The following CMIP variants were observed in gnomAD, a reference collection of about 807,000 sequenced individuals.
CMIP encodes the protein C-Maf-inducing protein.
A neutral mutation model predicts 97.3 loss-of-function variants in CMIP; 13 were observed. That is an observed-to-expected ratio of 0.13 (90% CI 0.09 to 0.21). CMIP has a LOEUF of 0.21. Among genes scored for constraint, CMIP ranks in the 10% least tolerant of loss-of-function variants. The pLI, the probability that CMIP is intolerant of heterozygous loss-of-function variation, is 1.00. For missense variants in CMIP, 847 were observed against 1,024.9 expected (o/e 0.83, Z 2.37); for synonymous variants, 538 against 436.3 (o/e 1.23, Z -2.91).
chr16:81,473,313 CA>C (rs1907672901), intron 1 of CMIP, among the ~76,000 whole-genome samples: 1 of 152,186 alleles, frequency 6.6e-6, no homozygotes, highest in Non-Finnish European at 1.5e-5. Context: ...ACAGAAAGGG[CA>C]GGGGGTGTCA....
At chr16:81,599,058 G>C (rs2091614002) in intron 1 of CMIP, among the ~76,000 whole-genome samples, 1 of 151,712 alleles carries the variant, frequency 6.6e-6, no homozygotes. Context: ...AAAAGAACTG[G>C]TCAGTCGGCG....
At chr16:81,484,458 G>T (rs541449826) in intron 1 of CMIP, among the ~76,000 whole-genome samples, 53 of 152,306 alleles carry the variant, frequency 3.5e-4, no homozygotes, top group East Asian at 7.7e-4. Context: ...GGTGTTGCAG[G>T]TTGGGCTCCA....
chr16:81,558,909 C>G (rs1036173554), intron 1 of CMIP, among the ~76,000 whole-genome samples: 6 of 152,256 alleles, frequency 3.9e-5, no homozygotes, highest in African/African-American at 1.4e-4. Flanking sequence ...CCACCAGGTA[C>G]TTTGTCCTTT....
rs1393537663 is a variant in CMIP at position 81,652,083 on chromosome 16, C to G, written c.478-120C>G. The G allele has an allele frequency of 1.2e-5, 9 of 739,770 alleles. No individual in the cohort carries two copies. The highest frequency in any genetic ancestry group is 1.8e-5 in the Non-Finnish European group (8 of 451,912). The allele number at this position is 739,770 out of a possible 1,614,324, so 45.8% of individuals were successfully genotyped here. ...GTTTCCTTATAAACGGGGACTGGGCCAAGTTGTCAGTTTCTCAGGGCCCTT... is the reference window on the plus strand; with the variant it reads ...GTTTCCTTATAAACGGGGACTGGGCGAAGTTGTCAGTTTCTCAGGGCCCTT... On this transcript the variant is annotated intron_variant, in intron 3 of 20. Transcript: ENST00000537098. The surrounding 1 kb of genome is among the most constrained non-coding windows in gnomAD (Gnocchi z 5.2).
chr16:81,583,652 A>T (rs2091333956), intron 1 of CMIP, among the ~76,000 whole-genome samples: 1 of 152,122 alleles, frequency 6.6e-6, no homozygotes, highest in Admixed American at 6.5e-5. Flanking sequence ...ACCGAGGCTT[A>T]TTGGGGGTAC....
intron 1 of CMIP, among the ~76,000 whole-genome samples, chr16:81,570,765 C>T (rs948741713): frequency 6.6e-6 from 1 of 152,132 alleles, no homozygotes; most frequent in East Asian, 1.9e-4. Flanking sequence ...GTTCCAGGTC[C>T]CCATTCTGTT....
At chr16:81,648,173 T>C (rs904042169) in intron 3 of CMIP, among the ~76,000 whole-genome samples, 13 of 126,970 alleles carry the variant, frequency 1.0e-4, no homozygotes, top group Non-Finnish European at 2.0e-4. Context: ...GCAAATCTGA[T>C]ATCCTCTTCA....
intron 4 of CMIP, among the ~76,000 whole-genome samples, chr16:81,654,295 C>T (rs1168658060): frequency 6.6e-6 from 1 of 151,886 alleles, no homozygotes; most frequent in African/African-American, 2.4e-5. Flanking sequence ...TGGTCTCAAA[C>T]TCCTGGGCTC....
chr16:81,644,925 G>A (rs541640350), intron 3 of CMIP, among the ~76,000 whole-genome samples: 2 of 152,164 alleles, frequency 1.3e-5, no homozygotes, highest in African/African-American at 4.8e-5. Flanking sequence ...CCTCAGCATC[G>A]ATGGGTAGAG....
At chr16:81,631,722 G>C (rs1254128763) in intron 3 of CMIP, 2 of 152,284 alleles carry the variant, frequency 1.3e-5, no homozygotes, top group Non-Finnish European at 2.9e-5. Context: ...TGTTCATTCT[G>C]TGGATAGGTC....
At chr16:81,457,804 G>A (rs972741456) in intron 1 of CMIP, among the ~76,000 whole-genome samples, 9 of 152,194 alleles carry the variant, frequency 5.9e-5, no homozygotes, top group African/African-American at 1.9e-4. Context: ...AACAATGTGG[G>A]GGCCTTAGGA....
chr16:81,602,402 A>G (rs1041182143), intron 1 of CMIP, among the ~76,000 whole-genome samples: 8 of 152,264 alleles, frequency 5.3e-5, no homozygotes, highest in Non-Finnish European at 7.3e-5. Context: ...TCATCTTCCA[A>G]ATTACCTTGT....
At chr16:81,516,469 G>A (rs8057739) in intron 1 of CMIP, among the ~76,000 whole-genome samples, 23,408 of 152,122 alleles carry the variant, frequency 0.15, 2,013 homozygotes, top group East Asian at 0.27. Context: ...TTCCAGGCTT[G>A]GAAGCCCTCC....
At position 81,711,542 on chromosome 16, in the gene CMIP, CA is replaced by C. The variant is rs1343188047; in HGVS notation, c.*1744del. On this transcript the variant is annotated 3_prime_UTR_variant, in exon 21 of 21. Transcript: ENST00000537098. ...CCCCCTCCGGTCCCATACTTCACAG[CA>C]CTCTGGTGCGGGAAGAAGCAGAAGC... The C allele has an allele frequency of 2.0e-5, 3 of 147,606 alleles. No homozygotes were observed. Among genetic ancestry groups the C allele is most frequent in the Non-Finnish European group, 4.4e-5 (3 of 67,456 alleles). 9.1% of individuals were successfully genotyped at this position (147,606 alleles called of 1,614,324 possible).
Position 81,693,196 on chromosome 16 carries a change from G to C in CMIP, c.1481+12G>C. ...GAGAAGTTCACCAAGTGAGTGTCTG[G>C]GCACCGCCCTCATTCCATTCTGGCA... On this transcript the variant is annotated intron_variant, in intron 12 of 20. Coordinates refer to ENST00000537098, the MANE Select transcript of CMIP (RefSeq NM_198390.3). 2 of 1,610,812 alleles carry C rather than the reference G, an allele frequency of 1.2e-6. No individual in the cohort carries two copies. Among genetic ancestry groups the C allele is most frequent in the Non-Finnish European group, 1.7e-6 (2 of 1,177,588 alleles).
intron 1 of CMIP, among the ~76,000 whole-genome samples, chr16:81,541,699 G>A (rs1236480412): frequency 6.6e-6 from 1 of 152,158 alleles, no homozygotes; most frequent in Non-Finnish European, 1.5e-5. Context: ...CAAAACAACC[G>A]ATGTTGTGGG....
chr16:81,620,990 A>C, intron 3 of CMIP, 64 bp downstream of exon 3: 13 of 1,595,450 alleles, frequency 8.1e-6, no homozygotes, highest in Non-Finnish European at 1.0e-5. Context: ...CTTAAAGCCA[A>C]TCTGTCACCC....
chr16:81,504,441 G>A (rs2089668011), intron 1 of CMIP, among the ~76,000 whole-genome samples: 1 of 151,860 alleles, frequency 6.6e-6, no homozygotes, highest in South Asian at 2.1e-4. Context: ...TCAAAAGTTT[G>A]AGACTACCCT....
Position 81,687,465 on chromosome 16 carries a change from C to G in CMIP, c.1389-4310C>G, listed in dbSNP as rs998703797. The stretch of plus-strand genomic sequence containing the variant: ...TCTGGGTTTGTTTTTCCGCGGAGTC[C>G]CTATAGCCAGAGAGATCCGGAACCC... On this transcript the variant is annotated intron_variant, in intron 10 of 20. Transcript: ENST00000537098. Among the ~76,000 whole-genome samples the G allele has an allele frequency of 5.3e-5, 8 of 152,148 alleles. No homozygotes were observed. In the South Asian group the frequency reaches 1.5e-3, roughly 28 times the overall value.
Sources: gnomAD v4.1 joint callset for allele counts (sites outside exome capture counted in the v4.1 genomes callset) on GRCh38, gnomAD v4.1.1 for gene constraint, Gnocchi (gnomAD v3.1) non-coding constraint, MANE v1.5 for transcripts, NCBI Gene and HGNC (gene_info 2026-07-23, HGNC 2026-07-21) for gene names.